Variants in ARID4B observed in about 807,000 individuals in gnomAD.
ARID4B encodes the protein AT-rich interaction domain 4B.
Under a neutral mutation model 147.5 loss-of-function variants are expected in ARID4B, and 26 were observed. That is an observed-to-expected ratio of 0.18 (90% confidence interval 0.13 to 0.24). The LOEUF (loss-of-function observed/expected upper bound fraction) is 0.24. Among genes scored for constraint, ARID4B ranks in the 10% least tolerant of loss-of-function variants. ARID4B has a pLI of 1.00. For missense variants in ARID4B, 1,179 were observed against 1,511.5 expected, an observed-to-expected ratio of 0.78 and a Z score of 3.65; for synonymous variants, 512 against 507.9, an observed-to-expected ratio of 1.01 and a Z score of -0.11.
intron 3 of ARID4B, among the ~76,000 whole-genome samples, chr1:235,257,487 CT>C: frequency 6.9e-6 from 1 of 145,092 alleles, no homozygotes; most frequent in Admixed American, 6.8e-5. Context: ...TTTTTTTTAA[CT>C]TTTTTCTTTT....
rs370429662 is a variant in ARID4B, at chr1:235,215,547, ATGTGTG to A, written c.1584-1527_1584-1522del. Among the ~76,000 whole-genome samples, 271 of 136,494 alleles carry A rather than the reference ATGTGTG, an allele frequency of 2.0e-3. 1 individual carries two copies. Among genetic ancestry groups the A allele is most frequent in the Non-Finnish European group, 2.9e-3 (187 of 64,024 alleles). The allele number at this position is 136,494 out of a possible 152,430, so 89.5% of individuals were successfully genotyped here. A position where few individuals can be genotyped will look rare whatever the true frequency, so the allele number is the denominator to read the frequency against. The stretch of plus-strand genomic sequence containing the variant: ...TATATTACACCATGCACACATATAT[ATGTGTG>A]TGTGTGTGTGTGTGTGTGTGTGTGT... On this transcript the variant is annotated intron_variant, in intron 16 of 23. Coordinates refer to ENST00000264183, the MANE Select transcript of ARID4B (RefSeq NM_016374.6).
Position 235,213,764 on chromosome 1 carries a change from G to T in ARID4B, c.1841+5C>A. ...GTAATAATCACTAGCTAAAACTCAA[G>T]TTACCTCACATTCCATCCGCAGTAA... On this transcript the variant is annotated splice_donor_5th_base_variant and intron_variant, in intron 17 of 23. Coordinates refer to ENST00000264183, the MANE Select transcript of ARID4B (RefSeq NM_016374.6). 1 of 1,605,680 alleles carries T rather than the reference G, an allele frequency of 6.2e-7. No homozygotes were observed.
intron 13 of ARID4B, among the ~76,000 whole-genome samples, chr1:235,221,884 C>CTTTTTTTTTTTTTTTTTTTTTTTTTT (rs1370136402): frequency 2.5e-5 from 2 of 78,552 alleles, no homozygotes; most frequent in Non-Finnish European, 4.9e-5. Context: ...AGTCATTTGA[C>CTTTTTTTTTTTTTTTTTTTTTTTTTT]TATTTTTTTT....
At chr1:235,212,878 C>G (rs1666796834) in intron 17 of ARID4B, among the ~76,000 whole-genome samples, 2 of 152,104 alleles carry the variant, frequency 1.3e-5, no homozygotes, top group African/African-American at 4.8e-5. Flanking sequence ...AAGTATAAAG[C>G]ATGAGAACTG....
At chr1:235,302,732 T>C (rs1404730062) in intron 2 of ARID4B, among the ~76,000 whole-genome samples, 2 of 152,170 alleles carry the variant, frequency 1.3e-5, no homozygotes, top group South Asian at 2.1e-4. Context: ...GGTCACTTAG[T>C]AGAGGCCATG....
At chr1:235,217,940 T>TCTG in intron 16 of ARID4B, among the ~76,000 whole-genome samples, 1 of 152,322 alleles carries the variant, frequency 6.6e-6, no homozygotes, top group East Asian at 1.9e-4. Context: ...TGTTTTTTCC[T>TCTG]ATACATACAT....
At position 235,220,556 on chromosome 1, in the gene ARID4B, G is replaced by A; in HGVS notation, c.1164-11C>T. 2.0e-6 allele frequency: 3 copies of A among 1,533,812 alleles called. No homozygotes were observed. The highest frequency in any genetic ancestry group is 2.6e-6 in the Non-Finnish European group (3 of 1,142,126). Reference sequence around the variant, plus strand: ...AAACCATATAAGTATCTGGAAACATGAAGAGAAATTACATTTGGTGAAAAC... The same window carrying A: ...AAACCATATAAGTATCTGGAAACATAAAGAGAAATTACATTTGGTGAAAAC... On this transcript the variant is annotated splice_polypyrimidine_tract_variant and intron_variant, in intron 14 of 23. Transcript: ENST00000264183.
At chr1:235,242,546 A>G (rs1669056076) in intron 7 of ARID4B, among the ~76,000 whole-genome samples, 2 of 152,202 alleles carry the variant, frequency 1.3e-5, no homozygotes, top group African/African-American at 4.8e-5. Flanking sequence ...TCATTCAGCT[A>G]GGGGTTTATG....
At chr1:235,287,752 A>G (rs1672080194) in intron 2 of ARID4B, among the ~76,000 whole-genome samples, 1 of 152,254 alleles carries the variant, frequency 6.6e-6, no homozygotes, top group Admixed American at 6.5e-5. Context: ...TTTCTTCAGC[A>G]TACAAATTAA....
chr1:235,209,001 A>G (rs1367920632), intron 17 of ARID4B, among the ~76,000 whole-genome samples: 2 of 152,326 alleles, frequency 1.3e-5, no homozygotes, highest in East Asian at 3.9e-4. Context: ...CTGTAAGAGT[A>G]TTATAATATT....
At chr1:235,196,853 C>CAAAAAA (rs34581094) in intron 17 of ARID4B, among the ~76,000 whole-genome samples, 2 of 88,528 alleles carry the variant, frequency 2.3e-5, no homozygotes, top group African/African-American at 9.2e-5. Context: ...CTCTGTTTCA[C>CAAAAAA]AAAAAAAAAA....
chr1:235,289,139 A>G (rs890416729), intron 2 of ARID4B, among the ~76,000 whole-genome samples: 1 of 152,368 alleles, frequency 6.6e-6, no homozygotes, highest in Non-Finnish European at 1.5e-5. Flanking sequence ...GATGCAAGTC[A>G]GTAGGTCTGG....
chr1:235,250,102 G>A (rs1346994081), intron 6 of ARID4B, among the ~76,000 whole-genome samples: 5 of 151,624 alleles, frequency 3.3e-5, no homozygotes, highest in African/African-American at 7.3e-5. Flanking sequence ...GCGAGACTCC[G>A]TCTCAAAAAA....
chr1:235,213,647 A>G, intron 17 of ARID4B, 122 bp downstream of exon 17: 1 of 1,073,458 alleles, frequency 9.3e-7, no homozygotes, highest in Non-Finnish European at 1.3e-6. Context: ...ACTATTTTTT[A>G]TAAGGTACTA....
chr1:235,171,702 T>C (rs981150263), intron 23 of ARID4B, among the ~76,000 whole-genome samples: 1 of 152,016 alleles, frequency 6.6e-6, no homozygotes, highest in African/African-American at 2.4e-5. Flanking sequence ...TGCAATGGCA[T>C]GATCTCCGTT....
chr1:235,237,957 C>A (rs1237813280), intron 8 of ARID4B, among the ~76,000 whole-genome samples: 1 of 151,944 alleles, frequency 6.6e-6, no homozygotes, highest in Non-Finnish European at 1.5e-5. Context: ...TGGAGACCAG[C>A]CTGACCGACA....
At chr1:235,242,000 C>G (rs1669013984) in intron 7 of ARID4B, among the ~76,000 whole-genome samples, 1 of 151,864 alleles carries the variant, frequency 6.6e-6, no homozygotes, top group African/African-American at 2.4e-5. Context: ...GTACTCCCAG[C>G]ACTTTGGGAG....
intron 22 of ARID4B, among the ~76,000 whole-genome samples, chr1:235,173,761 AAAAAAAAAAAATATATATAT>A (rs1400522702): frequency 1.5e-4 from 8 of 51,974 alleles, no homozygotes; most frequent in African/African-American, 7.9e-4. Context: ...AAAAAAAAAA[AAAAAAAAAAAATATATATAT>A]ATATATATAT....
At chr1:235,201,241 A>C (rs960868790) in intron 17 of ARID4B, among the ~76,000 whole-genome samples, 1 of 152,194 alleles carries the variant, frequency 6.6e-6, no homozygotes, top group Admixed American at 6.5e-5. Context: ...AAGGCCATAA[A>C]ATATTTCTCA....
Sources: allele counts gnomAD v4.1 joint callset (sites outside exome capture counted in the v4.1 genomes callset), GRCh38; gene constraint gnomAD v4.1.1; transcripts MANE v1.5; gene names NCBI Gene and HGNC (gene_info 2026-07-23, HGNC 2026-07-21).